The following ANKS6 variants were observed in gnomAD, a reference collection of about 807,000 sequenced individuals.
ANKS6 encodes ankyrin repeat and sterile alpha motif domain containing 6.
Under a neutral mutation model 77.9 loss-of-function variants are expected in ANKS6, and 47 were observed. That is an observed-to-expected ratio of 0.60 (90% CI 0.48 to 0.77). The LOEUF is 0.77. ANKS6 is among the 30% of genes least tolerant of loss of function. The pLI is 0.00. For missense variants in ANKS6, 1,150 were observed against 1,159.1 expected, an observed-to-expected ratio of 0.99 and a Z score of 0.11; for synonymous variants, 488 against 501.7, an observed-to-expected ratio of 0.97 and a Z score of 0.37.
chr9:98,758,947 T>C (rs150664950), intron 11 of ANKS6, among the ~76,000 whole-genome samples: 258 of 152,326 alleles, frequency 1.7e-3, no homozygotes, highest in Middle Eastern at 0.01. Flanking sequence ...CCACTCAACA[T>C]ACGATTTTCT....
At chr9:98,745,752 T>C (rs972253184) in intron 13 of ANKS6, 77 bp from the exon 14 acceptor site, 122 of 1,086,960 alleles carry the variant, frequency 1.1e-4, no homozygotes, top group Admixed American at 3.4e-5. Flanking sequence ...AATCTCATGA[T>C]TATGAGCTAT....
intron 11 of ANKS6, among the ~76,000 whole-genome samples, chr9:98,765,210 TC>T (rs926051157): frequency 1.3e-5 from 2 of 152,324 alleles, no homozygotes; most frequent in African/African-American, 4.8e-5. Context: ...ACAGATCTAT[TC>T]CAGCCAAAAG....
chr9:98,780,011 A>G (rs1834149378), intron 6 of ANKS6, among the ~76,000 whole-genome samples, 178 bp downstream of exon 6: 1 of 152,176 alleles, frequency 6.6e-6, no homozygotes, highest in South Asian at 2.1e-4. Context: ...CAACATGGTC[A>G]CAGTCTCCCC....
intron 5 of ANKS6, among the ~76,000 whole-genome samples, chr9:98,780,899 ATTTC>A (rs1485339310): frequency 2.0e-5 from 3 of 147,026 alleles, no homozygotes; most frequent in Admixed American, 6.9e-5. Flanking sequence ...CTTGATGACT[ATTTC>A]TTTTTTTTTT....
In ANKS6 at chr9:98,790,602, C is replaced by G; in HGVS notation, c.364G>C (p.Gly122Arg). ...AGGAGGTGTGCCACACTCACATGCCCAAATCTGCCAGGAAGATGGAGAATT... is the reference window on the plus strand; with the variant it reads ...AGGAGGTGTGCCACACTCACATGCCGAAATCTGCCAGGAAGATGGAGAATT... ...WSALMQAARF[G>R]HVSVAHLLLD... The change falls in exon 2 of 15, where the codon GGG becomes CGG. Residue 122 changes from glycine to arginine, a missense_variant. Coordinates refer to ENST00000353234, the MANE Select transcript of ANKS6 (RefSeq NM_173551.5). 14 of 1,595,434 alleles carry G rather than the reference C, an allele frequency of 8.8e-6. No homozygotes were observed. Among genetic ancestry groups the G allele is most frequent in the Non-Finnish European group, 1.2e-5 (14 of 1,165,166 alleles).
intron 1 of ANKS6, among the ~76,000 whole-genome samples, chr9:98,793,538 T>C (rs1212345652): frequency 3.9e-5 from 6 of 152,118 alleles, no homozygotes; most frequent in Non-Finnish European, 8.8e-5. Context: ...TTCTGGTTTT[T>C]TGAGATGGAG....
At chr9:98,745,097 A>G (rs766017170) in intron 14 of ANKS6, among the ~76,000 whole-genome samples, 7 of 152,146 alleles carry the variant, frequency 4.6e-5, no homozygotes, top group Non-Finnish European at 1.0e-4. Flanking sequence ...AAAATGTGGG[A>G]AGCCGACAAT....
chr9:98,786,940 T>C (rs1834606745), intron 2 of ANKS6, among the ~76,000 whole-genome samples: 1 of 152,120 alleles, frequency 6.6e-6, no homozygotes, highest in Admixed American at 6.5e-5. Flanking sequence ...TCAGTTTTTT[T>C]CGTCTATATC....
intron 9 of ANKS6, among the ~76,000 whole-genome samples, chr9:98,772,623 G>C (rs1218504223): frequency 6.6e-6 from 1 of 152,118 alleles, no homozygotes; most frequent in African/African-American, 2.4e-5. Context: ...CCTAAGGGAG[G>C]GACAGTGACA....
rs745657279 is a variant in ANKS6 at position 98,734,153 on chromosome 9, G to T, written c.*2366C>A. 8.8e-5 allele frequency: 87 copies of T among 985,314 alleles called. No homozygotes were observed. Among genetic ancestry groups the T allele is most frequent in the Middle Eastern group, 5.2e-4 (1 of 1,936 alleles). The allele number at this position is 985,314 out of a possible 1,614,324, so 61.0% of individuals were successfully genotyped here. A position where few individuals can be genotyped will look rare whatever the true frequency, so the allele number is the denominator to read the frequency against. ...AAACATCCCCAGAAAGGGTGCCAGG[G>T]ACCTCTTGTGAACCAGCACACAAAC... On this transcript the variant is annotated 3_prime_UTR_variant, in exon 15 of 15. Coordinates refer to ENST00000353234, the MANE Select transcript of ANKS6 (RefSeq NM_173551.5).
Position 98,756,434 on chromosome 9 carries a change from G to T in ANKS6, c.2312C>A (p.Thr771Asn). 1 of 1,613,224 alleles carries T rather than the reference G, an allele frequency of 6.2e-7. No homozygotes were observed. Among genetic ancestry groups the T allele is most frequent in the Non-Finnish European group, 8.5e-7 (1 of 1,179,536 alleles). Residue 771 changes from threonine (T) to asparagine (N), a missense_variant, in exon 12 of 15, where the codon ACC becomes AAC. Transcript: ENST00000353234. ...SKSSGGSSSGTITDEDELTGI... is the reference protein window; with the variant it reads ...SKSSGGSSSGNITDEDELTGI... Reference sequence around the variant, plus strand: ...AGGGGACTCACCCTCATCTGTGATGGTGCCACTGCTGGAGCCCCCACTGCT... The same window carrying T: ...AGGGGACTCACCCTCATCTGTGATGTTGCCACTGCTGGAGCCCCCACTGCT...
At position 98,761,721 on chromosome 9, in the gene ANKS6, T is replaced by C. The variant is rs888306071; in HGVS notation, c.2143-5118A>G. On this transcript the variant is annotated intron_variant, in intron 11 of 14. Coordinates refer to ENST00000353234, the MANE Select transcript of ANKS6 (RefSeq NM_173551.5). ...GCCTTTGTACCTTTAAAAAAAGAATTTATTTGGCTTTTCTTGTGCGGGTCT... is the reference window on the plus strand; with the variant it reads ...GCCTTTGTACCTTTAAAAAAAGAATCTATTTGGCTTTTCTTGTGCGGGTCT... Among the ~76,000 whole-genome samples the C allele has an allele frequency of 2.0e-5, 3 of 152,316 alleles. No homozygotes were observed. In the East Asian group the frequency reaches 5.8e-4, roughly 29 times the overall value.
In ANKS6 at chr9:98,732,504, C is replaced by T. The variant is rs895273721; in HGVS notation, c.*4015G>A. 1.4e-5 allele frequency: 21 copies of T among 1,550,590 alleles called. No individual in the cohort carries two copies. The Middle Eastern group carries it at 6.7e-4, about 49-fold the overall frequency. ...GCCAGCAGAGCCACCTGAGCGGCTG[C>T]TACCTCTTGCCGGAGGCAGTTTCTT... is the stretch of plus-strand genomic sequence containing the variant. On this transcript the variant is annotated 3_prime_UTR_variant, in exon 15 of 15. Coordinates refer to ENST00000353234, the MANE Select transcript of ANKS6 (RefSeq NM_173551.5).
intron 2 of ANKS6, 78 bp from the exon 3 acceptor site, chr9:98,784,954 A>C: frequency 7.6e-7 from 1 of 1,318,124 alleles, no homozygotes; most frequent in South Asian, 1.3e-5. Context: ...GTAACAACAC[A>C]GCCTGGCTTT....
Position 98,796,513 on chromosome 9 carries a change from G to A in ANKS6, c.-22C>T, listed in dbSNP as rs1325875079. The A allele has an allele frequency of 2.4e-5, 24 of 983,774 alleles. No homozygotes were observed. Among genetic ancestry groups the A allele is most frequent in the Admixed American group, 6.2e-5 (1 of 16,004 alleles). The allele number at this position is 983,774 out of a possible 1,614,324, so 60.9% of individuals were successfully genotyped here. A position where few individuals can be genotyped will look rare whatever the true frequency, so the allele number is the denominator to read the frequency against. ...CCATCGCCGCCGCCACGCGCGGCCCGCTCCCGTCCGCCCCGCCGGCCGCGT... is the reference window on the plus strand; with the variant it reads ...CCATCGCCGCCGCCACGCGCGGCCCACTCCCGTCCGCCCCGCCGGCCGCGT... On this transcript the variant is annotated 5_prime_UTR_variant, in exon 1 of 15. Transcript: ENST00000353234.
Position 98,771,159 on chromosome 9 carries a change from G to A in ANKS6, c.1822-113C>T, listed in dbSNP as rs549303483. 1.6e-5 allele frequency: 20 copies of A among 1,229,360 alleles called. No individual in the cohort carries two copies. The Admixed American group carries it at 2.3e-4, about 14-fold the overall frequency. The allele number at this position is 1,229,360 out of a possible 1,614,324, so 76.2% of individuals were successfully genotyped here. On this transcript the variant is annotated intron_variant, in intron 9 of 14. Coordinates refer to ENST00000353234, the MANE Select transcript of ANKS6 (RefSeq NM_173551.5). ...GCTGGTGCATACCCCACCAAAGCTC[G>A]CTGTGCCCAGCATGGCCCTGCCAGG...
rs569410959 is a variant in ANKS6 at position 98,776,467 on chromosome 9, C to T, written c.1617+938G>A. Among the ~76,000 whole-genome samples, 10 of 149,784 alleles carry T rather than the reference C, an allele frequency of 6.7e-5. 1 individual carries two copies. In the South Asian group the frequency reaches 2.1e-3, roughly 32 times the overall value. On this transcript the variant is annotated intron_variant, in intron 8 of 14. Transcript: ENST00000353234. ...CCAGGCTGGAGAGCAATGGCACGAGCTTGGTTCACTGCAACCTCCACCTCC... is the reference window on the plus strand; with the variant it reads ...CCAGGCTGGAGAGCAATGGCACGAGTTTGGTTCACTGCAACCTCCACCTCC...
At chr9:98,740,552 G>C (rs577036681) in intron 14 of ANKS6, among the ~76,000 whole-genome samples, 2 of 152,342 alleles carry the variant, frequency 1.3e-5, no homozygotes, top group East Asian at 3.9e-4. Flanking sequence ...GGGCTAAAAT[G>C]TAAATGGAAG....
chr9:98,780,082 AG>A, intron 6 of ANKS6, 106 bp downstream of exon 6: 3 of 1,473,272 alleles, frequency 2.0e-6, no homozygotes, highest in Non-Finnish European at 2.8e-6. Flanking sequence ...CCACCCCTGC[AG>A]GGACTCCCTA....
Sources: gnomAD v4.1 joint callset for allele counts (sites outside exome capture counted in the v4.1 genomes callset) on GRCh38, gnomAD v4.1.1 for gene constraint, MANE v1.5 for transcripts, NCBI Gene and HGNC (gene_info 2026-07-23, HGNC 2026-07-21) for gene names.